ST8SIA1: variants seen among roughly 807,000 people sequenced by gnomAD.
ST8SIA1 encodes alpha-N-acetylneuraminide alpha-2,8-sialyltransferase.
A neutral mutation model predicts 35.9 loss-of-function variants in ST8SIA1; 16 were observed. That is an observed-to-expected ratio of 0.45 (90% CI 0.30 to 0.68). The LOEUF is 0.68. Among genes scored for constraint, ST8SIA1 ranks in the 30% least tolerant of loss-of-function variants. The pLI is 0.09. For missense variants in ST8SIA1, 383 were observed against 453.6 expected, an observed-to-expected ratio of 0.84 and a Z score of 1.41; for synonymous variants, 170 against 169.6, an observed-to-expected ratio of 1.00 and a Z score of -0.02.
At chr12:22,266,493 T>TA (rs34617658) in intron 2 of ST8SIA1, among the ~76,000 whole-genome samples, 4,073 of 134,974 alleles carry the variant, frequency 0.03, 168 homozygotes, top group African/African-American at 0.11. Context: ...AACCCCTATT[T>TA]AAAAAAAAAA....
intron 1 of ST8SIA1, among the ~76,000 whole-genome samples, chr12:22,294,145 T>C (rs1866214820): frequency 6.6e-6 from 1 of 152,126 alleles, no homozygotes; most frequent in African/African-American, 2.4e-5. Flanking sequence ...TGAATGTTTA[T>C]TTTCAGTCTC....
At chr12:22,249,329 C>T (rs1248588991) in intron 3 of ST8SIA1, among the ~76,000 whole-genome samples, 1 of 151,552 alleles carries the variant, frequency 6.6e-6, no homozygotes, top group Non-Finnish European at 1.5e-5. Context: ...CGCCATTCTC[C>T]TGCCTCAGCC....
At chr12:22,282,460 T>A (rs2012722) in intron 2 of ST8SIA1, among the ~76,000 whole-genome samples, 1 of 152,000 alleles carries the variant, frequency 6.6e-6, no homozygotes, top group African/African-American at 2.4e-5. Context: ...ATGTGACTCA[T>A]TCCTGATTAA....
intron 4 of ST8SIA1, among the ~76,000 whole-genome samples, chr12:22,242,838 C>T (rs1190232342): frequency 1.3e-5 from 2 of 152,158 alleles, no homozygotes; most frequent in Non-Finnish European, 2.9e-5. Context: ...TTAAAACCAC[C>T]TCTCTTCTGC....
chr12:22,198,914 T>A lies in ST8SIA1; in HGVS notation c.*2638A>T, dbSNP rs576170009. The A allele has an allele frequency of 2.6e-5, 4 of 152,204 alleles. No individual in the cohort carries two copies. In the South Asian group the frequency reaches 8.3e-4, roughly 32 times the overall value. 9.4% of individuals were successfully genotyped at this position (152,204 alleles called of 1,614,324 possible). ...CCTTGAGTCATGAAAATAAAAAATG[T>A]CTCTGGTCTCCAGACATTGCCAAAT... On this transcript the variant is annotated 3_prime_UTR_variant, in exon 5 of 5. Coordinates refer to ENST00000396037, the MANE Select transcript of ST8SIA1 (RefSeq NM_003034.4).
chr12:22,318,390 T>G (rs1049279099), intron 1 of ST8SIA1, among the ~76,000 whole-genome samples: 1 of 152,232 alleles, frequency 6.6e-6, no homozygotes, highest in Non-Finnish European at 1.5e-5. Flanking sequence ...TACTATGGTA[T>G]GGCTGGCATC....
At chr12:22,331,758 G>A (rs1054799131) in intron 1 of ST8SIA1, among the ~76,000 whole-genome samples, 3 of 152,152 alleles carry the variant, frequency 2.0e-5, no homozygotes, top group Admixed American at 6.5e-5. Context: ...GTTCATTAGC[G>A]TTAAGTGTAC....
rs199598750 is a variant in ST8SIA1 at position 22,334,075 on chromosome 12, T to C, written c.158A>G (p.Asn53Ser). The change falls in exon 1 of 5, where the codon AAC (asparagine) becomes AGC (serine). Residue 53 changes from asparagine (N) to serine (S), a missense_variant. Coordinates refer to ENST00000396037, the MANE Select transcript of ST8SIA1 (RefSeq NM_003034.4). ...CACCCCCTGCACGATCTCTTTCTCG[T>C]TGGGCAGCCGGTAGACGGGGAAGAT... ...LYIFPVYRLP[N>S]EKEIVQGVLQ... 14 of 1,613,304 alleles carry C rather than the reference T, an allele frequency of 8.7e-6. No individual in the cohort carries two copies. Among genetic ancestry groups the C allele is most frequent in the Non-Finnish European group, 1.2e-5 (14 of 1,179,804 alleles).
chr12:22,314,124 A>G (rs1440994971), intron 1 of ST8SIA1, among the ~76,000 whole-genome samples: 1 of 152,166 alleles, frequency 6.6e-6, no homozygotes, highest in Non-Finnish European at 1.5e-5. Context: ...GCTTAATCCC[A>G]CCACATGTAC....
intron 1 of ST8SIA1, among the ~76,000 whole-genome samples, chr12:22,307,369 A>G (rs1866398893): frequency 6.6e-6 from 1 of 152,112 alleles, no homozygotes; most frequent in South Asian, 2.1e-4. Context: ...ATATCTTGGT[A>G]TGGTTTAAGC....
intron 4 of ST8SIA1, among the ~76,000 whole-genome samples, chr12:22,240,600 T>A (rs1182542252): frequency 6.6e-6 from 1 of 152,048 alleles, no homozygotes; most frequent in African/African-American, 2.4e-5. Flanking sequence ...AACATGCATG[T>A]ATAGTTTGTG....
intron 4 of ST8SIA1, among the ~76,000 whole-genome samples, chr12:22,226,590 G>C (rs1439528222): frequency 6.6e-6 from 1 of 151,238 alleles, no homozygotes; most frequent in Non-Finnish European, 1.5e-5. Context: ...TCTTTAGGAT[G>C]AATCTCCTTT....
chr12:22,281,175 T>C (rs1866030361), intron 2 of ST8SIA1, among the ~76,000 whole-genome samples: 1 of 152,246 alleles, frequency 6.6e-6, no homozygotes, highest in African/African-American at 2.4e-5. Flanking sequence ...AATATTATCA[T>C]ATGTTTTTAT....
chr12:22,279,690 G>C (rs991036968), intron 2 of ST8SIA1, among the ~76,000 whole-genome samples: 12 of 152,204 alleles, frequency 7.9e-5, no homozygotes, highest in African/African-American at 2.9e-4. Context: ...ATTGCCAACA[G>C]TGTTCCACAG....
chr12:22,305,407 G>A (rs979048448), intron 1 of ST8SIA1, among the ~76,000 whole-genome samples: 32 of 143,426 alleles, frequency 2.2e-4, no homozygotes, highest in African/African-American at 8.2e-4. Flanking sequence ...TTGAGATGGA[G>A]TTTTGCTCTG....
At chr12:22,229,609 G>A (rs771876263) in intron 4 of ST8SIA1, among the ~76,000 whole-genome samples, 12 of 104,974 alleles carry the variant, frequency 1.1e-4, no homozygotes, top group African/African-American at 4.0e-4. Flanking sequence ...GAGCAAGACC[G>A]GGTTTCAAAA....
At chr12:22,207,031 G>A (rs1322462748) in intron 4 of ST8SIA1, among the ~76,000 whole-genome samples, 2 of 152,224 alleles carry the variant, frequency 1.3e-5, no homozygotes, top group African/African-American at 4.8e-5. Flanking sequence ...TAGCTATACA[G>A]TAGGCCTAGA....
intron 2 of ST8SIA1, among the ~76,000 whole-genome samples, chr12:22,276,159 C>G (rs1865965824): frequency 6.6e-6 from 1 of 152,186 alleles, no homozygotes; most frequent in South Asian, 2.1e-4. Context: ...ATTACACAAC[C>G]CAGCAACAAC....
chr12:22,246,231 T>C (rs2284853), intron 4 of ST8SIA1, among the ~76,000 whole-genome samples: 18,960 of 151,960 alleles, frequency 0.12, 1,531 homozygotes, highest in Middle Eastern at 0.29. Flanking sequence ...GTAGATAGTG[T>C]TGGAATTGAG....
Sources: allele counts gnomAD v4.1 joint callset (sites outside exome capture counted in the v4.1 genomes callset), GRCh38; gene constraint gnomAD v4.1.1; transcripts MANE v1.5; gene names NCBI Gene and HGNC (gene_info 2026-07-23, HGNC 2026-07-21).